CHRM3: variants seen among roughly 807,000 people sequenced by gnomAD.
The protein encoded by CHRM3 is cholinergic receptor muscarinic 3.
Under a neutral mutation model 41.8 loss-of-function variants are expected in CHRM3, and 11 were observed. The ratio of observed to expected loss-of-function variants is 0.26; its 90% CI spans 0.17 to 0.44. CHRM3 has a LOEUF of 0.44. CHRM3 is among the 20% of genes least tolerant of loss of function. The pLI, the probability that CHRM3 is intolerant of heterozygous loss-of-function variation, is 1.00. For missense variants in CHRM3, 571 were observed against 745.4 expected (o/e 0.77, Z 2.72); for synonymous variants, 297 against 301.4 (o/e 0.99, Z 0.15).
chr1:239,654,271 G>A (rs1411001983), intron 4 of CHRM3, among the ~76,000 whole-genome samples: 2 of 152,166 alleles, frequency 1.3e-5, no homozygotes, highest in Admixed American at 1.3e-4. Context: ...ACCCAGCCAA[G>A]AAGCTTCTTT....
chr1:239,701,025 T>C (rs1181323483), intron 5 of CHRM3, among the ~76,000 whole-genome samples: 2 of 152,240 alleles, frequency 1.3e-5, no homozygotes, highest in East Asian at 3.8e-4. Flanking sequence ...GTGACGCTTT[T>C]ATCAGCTGTT....
intron 1 of CHRM3, among the ~76,000 whole-genome samples, chr1:239,491,018 G>T (rs1667517288): frequency 6.6e-6 from 1 of 152,134 alleles, no homozygotes; most frequent in African/African-American, 2.4e-5. Context: ...GGGATTACAG[G>T]CATGAGCTGT....
intron 1 of CHRM3, among the ~76,000 whole-genome samples, chr1:239,395,977 G>C (rs1298437670): frequency 6.6e-6 from 1 of 152,166 alleles, no homozygotes; most frequent in African/African-American, 2.4e-5. Context: ...GTTGAGTTCA[G>C]TCTCAAGTCT....
At chr1:239,578,540 A>G (rs1283680919) in intron 3 of CHRM3, among the ~76,000 whole-genome samples, 2 of 152,198 alleles carry the variant, frequency 1.3e-5, no homozygotes, top group Non-Finnish European at 2.9e-5. Context: ...GCACTTTATC[A>G]TGTTTTAATC....
At chr1:239,834,943 T>C (rs1033868742) in intron 6 of CHRM3, among the ~76,000 whole-genome samples, 16 of 152,334 alleles carry the variant, frequency 1.1e-4, no homozygotes, top group African/African-American at 3.1e-4. Context: ...CTCAGTCATA[T>C]GTCTAAAGTC....
chr1:239,650,516 T>C (rs1672136149), intron 4 of CHRM3, among the ~76,000 whole-genome samples: 1 of 152,122 alleles, frequency 6.6e-6, no homozygotes, highest in African/African-American at 2.4e-5. Flanking sequence ...GCCACAGAAA[T>C]TGGTAACTTT....
intron 5 of CHRM3, among the ~76,000 whole-genome samples, chr1:239,694,229 C>T (rs1041797608): frequency 1.2e-4 from 19 of 152,170 alleles, no homozygotes; most frequent in Admixed American, 9.8e-4. Flanking sequence ...ATTAGATGAT[C>T]GATACAAACC....
At chr1:239,822,628 A>C (rs1452914480) in intron 5 of CHRM3, among the ~76,000 whole-genome samples, 2 of 152,244 alleles carry the variant, frequency 1.3e-5, no homozygotes, top group African/African-American at 4.8e-5. Context: ...GTAAGTTTCT[A>C]GTTATATTTA....
At chr1:239,747,337 C>T (rs1160893827) in intron 5 of CHRM3, among the ~76,000 whole-genome samples, 2 of 152,116 alleles carry the variant, frequency 1.3e-5, no homozygotes, top group African/African-American at 2.4e-5. Flanking sequence ...AAATTCCTGA[C>T]TTTGGATCAT....
At chr1:239,611,065 A>G (rs1258444971) in intron 3 of CHRM3, among the ~76,000 whole-genome samples, 1 of 152,120 alleles carries the variant, frequency 6.6e-6, no homozygotes, top group African/African-American at 2.4e-5. Flanking sequence ...TAATAATAAA[A>G]AAAAAGAAAT....
intron 2 of CHRM3, among the ~76,000 whole-genome samples, chr1:239,509,027 C>T (rs2148186453): frequency 6.6e-6 from 1 of 152,266 alleles, no homozygotes; most frequent in East Asian, 1.9e-4. Flanking sequence ...GTGCCTCATC[C>T]TATGTAAAAT....
Position 239,901,344 on chromosome 1 carries a change from T to C in CHRM3, c.-19-6089T>C, listed in dbSNP as rs188564232. Among the ~76,000 whole-genome samples, 886 of 152,170 alleles carry C rather than the reference T, an allele frequency of 5.8e-3. 8 individuals are homozygous for C. Among genetic ancestry groups the C allele is most frequent in the African/African-American group, 0.02 (812 of 41,502 alleles). On this transcript the variant is annotated intron_variant, in intron 6 of 6. Coordinates refer to ENST00000676153, the MANE Select transcript of CHRM3 (RefSeq NM_001375978.1). The stretch of plus-strand genomic sequence containing the variant: ...CGGAAACTTTGGGATTTTTTTTTTT[T>C]TCCTCATTCGGGACATTACAGATTG...
chr1:239,804,940 C>G (rs1204564388), intron 5 of CHRM3, among the ~76,000 whole-genome samples: 1 of 152,128 alleles, frequency 6.6e-6, no homozygotes, highest in South Asian at 2.1e-4. Flanking sequence ...ACTATTTAGT[C>G]TCTGCTAATT....
At chr1:239,527,066 A>C (rs1270244038) in intron 2 of CHRM3, among the ~76,000 whole-genome samples, 1 of 152,164 alleles carries the variant, frequency 6.6e-6, no homozygotes, top group African/African-American at 2.4e-5. Context: ...TCAGAGCTAT[A>C]GTGAGCCATG....
At chr1:239,407,417 T>TATATATAGAGAG in intron 1 of CHRM3, among the ~76,000 whole-genome samples, 1 of 134,182 alleles carries the variant, frequency 7.5e-6, no homozygotes, top group Non-Finnish European at 1.7e-5. Context: ...TATATATATA[T>TATATATAGAGAG]AGAGAGAGAG....
chr1:239,575,768 T>C (rs982718672), intron 3 of CHRM3, among the ~76,000 whole-genome samples: 1 of 151,602 alleles, frequency 6.6e-6, no homozygotes, highest in African/African-American at 2.4e-5. Flanking sequence ...TAGAGATATA[T>C]ATACACACAC....
intron 5 of CHRM3, among the ~76,000 whole-genome samples, chr1:239,808,019 T>A (rs1670799764): frequency 6.6e-6 from 1 of 152,134 alleles, no homozygotes; most frequent in Admixed American, 6.5e-5. Context: ...AAACATGAAG[T>A]TTTTTAAAGA....
chr1:239,710,996 C>T (rs1407799631), intron 5 of CHRM3, among the ~76,000 whole-genome samples: 1 of 152,062 alleles, frequency 6.6e-6, no homozygotes, highest in Non-Finnish European at 1.5e-5. Flanking sequence ...TGACAACTCT[C>T]ACTCATTCTG....
At position 239,911,057 on chromosome 1, in the gene CHRM3, ATAGAG is replaced by A. The variant is rs776301743; in HGVS notation, c.*1836_*1840del. ...TCTTTAAGGTCCACTTGAGCAATGA[ATAGAG>A]TATATTGGAGCTTTCCTGTGGCTAA... On this transcript the variant is annotated 3_prime_UTR_variant, in exon 7 of 7. Transcript: ENST00000676153. 6.0e-6 allele frequency: 1 copy of A among 167,090 alleles called. No homozygotes were observed. Among genetic ancestry groups the A allele is most frequent in the Non-Finnish European group, 1.5e-5 (1 of 68,120 alleles). The allele number at this position is 167,090 out of a possible 1,614,324, so 10.4% of individuals were successfully genotyped here. A position where few individuals can be genotyped will look rare whatever the true frequency, so the allele number is the denominator to read the frequency against.
Sources: gnomAD v4.1 joint callset for allele counts (sites outside exome capture counted in the v4.1 genomes callset) on GRCh38, gnomAD v4.1.1 for gene constraint, MANE v1.5 for transcripts, NCBI Gene and HGNC (gene_info 2026-07-23, HGNC 2026-07-21) for gene names.